Variants in SLC17A5 observed in about 807,000 individuals in gnomAD.
SLC17A5 encodes sialin.
SLC17A5 carries 47 observed loss-of-function variants against 59.4 expected under a neutral mutation model. The observed-to-expected ratio is 0.79, with a 90% CI of 0.63 to 1.01. The LOEUF (loss-of-function observed/expected upper bound fraction) is 1.01. Among genes scored for constraint, SLC17A5 ranks in the 50% least tolerant of loss-of-function variants. The pLI, the probability that SLC17A5 is intolerant of heterozygous loss-of-function variation, is 0.00. For missense variants in SLC17A5, 522 were observed against 595.5 expected, an observed-to-expected ratio of 0.88 and a Z score of 1.28; for synonymous variants, 202 against 210.7, an observed-to-expected ratio of 0.96 and a Z score of 0.36.
rs139320297 is a variant in SLC17A5, at chr6:73,625,821, G to A, written c.820-3859C>T. Among the ~76,000 whole-genome samples, 521 of 152,276 alleles carry A rather than the reference G, an allele frequency of 3.4e-3. 3 individuals are homozygous for A. Among genetic ancestry groups the A allele is most frequent in the African/African-American group, 0.012 (498 of 41,568 alleles). On this transcript the variant is annotated intron_variant, in intron 6 of 10. Coordinates refer to ENST00000355773, the MANE Select transcript of SLC17A5 (RefSeq NM_012434.5). ...GTCACACCACAGACCAATTGAATAG[G>A]TTGTGGGTGGGTGGGAGGTAAGTAT...
chr6:73,649,947 TA>T (rs1314042672), intron 1 of SLC17A5, among the ~76,000 whole-genome samples: 1 of 152,148 alleles, frequency 6.6e-6, no homozygotes, highest in Non-Finnish European at 1.5e-5. Context: ...CCCTAGTGTG[TA>T]ACTTCATAAG....
At chr6:73,652,289 T>C (rs1056912676) in intron 1 of SLC17A5, among the ~76,000 whole-genome samples, 1 of 152,242 alleles carries the variant, frequency 6.6e-6, no homozygotes, top group African/African-American at 2.4e-5. Flanking sequence ...TATAAGCTAC[T>C]TTTTTAAAAA....
intron 5 of SLC17A5, among the ~76,000 whole-genome samples, 185 bp from the exon 6 acceptor site, chr6:73,635,685 C>G (rs1211871437): frequency 6.6e-6 from 1 of 151,462 alleles, no homozygotes; most frequent in Admixed American, 6.6e-5. Context: ...TCTCTCAATT[C>G]TTTAATGGGA....
chr6:73,634,622 A>T (rs1301636735), intron 6 of SLC17A5, among the ~76,000 whole-genome samples: 1 of 151,542 alleles, frequency 6.6e-6, no homozygotes. Context: ...CTGATCTCGA[A>T]CTCCTGACCT....
At chr6:73,606,637 T>TAATGC (rs1767403624) in intron 9 of SLC17A5, among the ~76,000 whole-genome samples, 1 of 152,178 alleles carries the variant, frequency 6.6e-6, no homozygotes, top group African/African-American at 2.4e-5. Flanking sequence ...CTGTCCAGCA[T>TAATGC]TATACTTCAT....
chr6:73,649,235 C>T (rs990581256), intron 1 of SLC17A5, among the ~76,000 whole-genome samples: 1 of 152,318 alleles, frequency 6.6e-6, no homozygotes, highest in South Asian at 2.1e-4. Flanking sequence ...TGACCTCAGG[C>T]AATCCGCCCA....
At position 73,594,899 on chromosome 6, in the gene SLC17A5, AAC is replaced by A; in HGVS notation, c.*176_*177del. On this transcript the variant is annotated 3_prime_UTR_variant, in exon 11 of 11. Coordinates refer to ENST00000355773, the MANE Select transcript of SLC17A5 (RefSeq NM_012434.5). ...CTAGCTTACATATTATTCATAATTA[AAC>A]ACAGTTCATTTTATTATTCTGGCAA... The A allele has an allele frequency of 1.5e-6, 1 of 687,460 alleles. No homozygotes were observed. Among genetic ancestry groups the A allele is most frequent in the Non-Finnish European group, 2.5e-6 (1 of 408,020 alleles). The allele number at this position is 687,460 out of a possible 1,614,324, so 42.6% of individuals were successfully genotyped here. A position where few individuals can be genotyped will look rare whatever the true frequency, so the allele number is the denominator to read the frequency against.
At position 73,627,108 on chromosome 6, in the gene SLC17A5, C is replaced by T. The variant is rs189601552; in HGVS notation, c.820-5146G>A. Among the ~76,000 whole-genome samples the T allele has an allele frequency of 2.0e-4, 29 of 147,068 alleles. 1 individual carries two copies. The highest frequency in any genetic ancestry group is 6.6e-4 in the African/African-American group (26 of 39,322). ...TTTTTTTTTTCTTGAGACGGAGTCT[C>T]GCTCTGTCGCCAGGCTGGAGTGCAG... On this transcript the variant is annotated intron_variant, in intron 6 of 10. Coordinates refer to ENST00000355773, the MANE Select transcript of SLC17A5 (RefSeq NM_012434.5).
At chr6:73,614,239 C>T (rs1401591854) in intron 8 of SLC17A5, among the ~76,000 whole-genome samples, 1 of 152,016 alleles carries the variant, frequency 6.6e-6, no homozygotes, top group Non-Finnish European at 1.5e-5. Context: ...CACACTCCAG[C>T]CTGGGCTAAG....
At chr6:73,652,324 C>T (rs1038997451) in intron 1 of SLC17A5, among the ~76,000 whole-genome samples, 26 of 152,102 alleles carry the variant, frequency 1.7e-4, no homozygotes, top group Non-Finnish European at 8.8e-5. Context: ...GTATAATTTA[C>T]GTGATAAATG....
At chr6:73,620,622 G>A (rs506157) in intron 7 of SLC17A5, among the ~76,000 whole-genome samples, 24,629 of 152,080 alleles carry the variant, frequency 0.16, 3,052 homozygotes, top group African/African-American at 0.34. Context: ...CAATGTTTAT[G>A]GTATACTTTG....
intron 6 of SLC17A5, among the ~76,000 whole-genome samples, chr6:73,628,896 TA>T (rs1014489116): frequency 2.1e-4 from 30 of 145,234 alleles, no homozygotes; most frequent in East Asian, 6.0e-4. Flanking sequence ...ATATGCCATT[TA>T]AAAAAAATTT....
chr6:73,598,651 A>T (rs901816228), intron 10 of SLC17A5, among the ~76,000 whole-genome samples: 1 of 151,896 alleles, frequency 6.6e-6, no homozygotes, highest in African/African-American at 2.4e-5. Flanking sequence ...AGAAATTACA[A>T]TTGTGAAGGT....
chr6:73,622,950 G>A (rs913547139), intron 6 of SLC17A5, among the ~76,000 whole-genome samples: 2 of 152,088 alleles, frequency 1.3e-5, no homozygotes, highest in African/African-American at 2.4e-5. Flanking sequence ...ATTACAAATC[G>A]TATGAGTCCC....
rs187427914 is a variant in SLC17A5 at position 73,598,592 on chromosome 6, C to G, written c.1350+1759G>C. 2.2e-3 allele frequency among the ~76,000 whole-genome samples: 339 copies of G among 151,976 alleles called. 2 individuals are homozygous for G. The highest frequency in any genetic ancestry group is 7.9e-3 in the African/African-American group (329 of 41,426). On this transcript the variant is annotated intron_variant, in intron 10 of 10. Coordinates refer to ENST00000355773, the MANE Select transcript of SLC17A5 (RefSeq NM_012434.5). ...GTTGCAGTGAGCTGAGATCACGCCA[C>G]TGCCCTCCAACCTGGGGGACGAGTG... is the stretch of plus-strand genomic sequence containing the variant.
chr6:73,596,314 A>C (rs1289005912), intron 10 of SLC17A5, among the ~76,000 whole-genome samples: 1 of 152,180 alleles, frequency 6.6e-6, no homozygotes, highest in Non-Finnish European at 1.5e-5. Context: ...AGATGAACTC[A>C]AGTTCAGCTT....
chr6:73,648,863 G>T (rs539739235), intron 1 of SLC17A5, among the ~76,000 whole-genome samples: 1 of 152,212 alleles, frequency 6.6e-6, no homozygotes, highest in East Asian at 1.9e-4. Flanking sequence ...GTATGGAAAT[G>T]AGACAGATAA....
At chr6:73,640,898 A>G (rs1178019375) in intron 3 of SLC17A5, among the ~76,000 whole-genome samples, 2 of 152,264 alleles carry the variant, frequency 1.3e-5, no homozygotes, top group Non-Finnish European at 2.9e-5. Flanking sequence ...AGATAGTTAT[A>G]TAAAATCATA....
chr6:73,621,140 G>C (rs924493464), intron 7 of SLC17A5, among the ~76,000 whole-genome samples: 7 of 151,962 alleles, frequency 4.6e-5, no homozygotes, highest in African/African-American at 1.7e-4. Flanking sequence ...CGAGTAGCTG[G>C]GATTACAGGC....
Sources: allele counts gnomAD v4.1 joint callset (sites outside exome capture counted in the v4.1 genomes callset), GRCh38; gene constraint gnomAD v4.1.1; transcripts MANE v1.5; gene names NCBI Gene and HGNC (gene_info 2026-07-23, HGNC 2026-07-21).